FAM199X: variants seen among roughly 807,000 people sequenced by gnomAD.
The protein encoded by FAM199X is family with sequence similarity 199, X-linked.
Under a neutral mutation model 22.9 loss-of-function variants are expected in FAM199X, and 4 were observed. The observed-to-expected ratio is 0.17, with a 90% CI of 0.09 to 0.40. The LOEUF (loss-of-function observed/expected upper bound fraction) is 0.40, where lower values mean the gene tolerates loss of function less well. FAM199X is among the 10% of genes least tolerant of loss of function. FAM199X has a pLI of 1.00. For missense variants in FAM199X, 183 were observed against 306.8 expected (o/e 0.60, Z 3.01); for synonymous variants, 101 against 112.3 (o/e 0.90, Z 0.64).
chrX:104,172,647 C>T (rs1209628191), intron 1 of FAM199X, among the ~76,000 whole-genome samples: 1 of 109,147 alleles, frequency 9.2e-6, no homozygotes, highest in Non-Finnish European at 1.9e-5. Context: ...GAAGCAAATT[C>T]CTGACTCCTT....
intron 2 of FAM199X, among the ~76,000 whole-genome samples, chrX:104,185,714 G>A (rs1468448926): frequency 1.8e-5 from 2 of 110,632 alleles, no homozygotes; most frequent in African/African-American, 6.6e-5. Flanking sequence ...AGGTTCAAGC[G>A]ATTCTCCTGC....
chrX:104,172,411 C>T (rs1473021626), intron 1 of FAM199X, among the ~76,000 whole-genome samples: 1 of 107,278 alleles, frequency 9.3e-6, no homozygotes, highest in Non-Finnish European at 1.9e-5. Flanking sequence ...CAGAGCAAGA[C>T]CCTGACTCAA....
intron 1 of FAM199X, among the ~76,000 whole-genome samples, chrX:104,172,144 G>A (rs1158852593): frequency 1.8e-5 from 2 of 108,500 alleles, no homozygotes; most frequent in East Asian, 5.8e-4. Context: ...GTTCACACCT[G>A]TAATCCCAGC....
Position 104,189,730 on chromosome X carries a change from G to T in FAM199X, c.1119G>T (p.Leu373Phe). ...GLFLNEEVLSLKVTEEDHEAD... is the reference protein window; with the variant it reads ...GLFLNEEVLSFKVTEEDHEAD... ...TCCTTAACGAAGAGGTGCTGTCCTT[G>T]AAAGTGACTGAGGAAGACCATGAAG... Residue 373 changes from leucine (L) to phenylalanine (F), a missense_variant, in exon 6 of 6, where the codon TTG (leucine) becomes TTT (phenylalanine). This residue lies in a region of FAM199X where 128 missense variants were observed against 246.2 expected (regional missense o/e 0.52). Transcript: ENST00000493442. 8.3e-7 allele frequency: 1 copy of T among 1,211,696 alleles called. No individual in the cohort carries two copies. Among genetic ancestry groups the T allele is most frequent in the Non-Finnish European group, 1.1e-6 (1 of 895,522 alleles).
At chrX:104,179,839 T>C (rs1556377415) in intron 2 of FAM199X, among the ~76,000 whole-genome samples, 1 of 111,556 alleles carries the variant, frequency 9.0e-6, no homozygotes, top group Admixed American at 9.6e-5. Flanking sequence ...GTTGTGTCTT[T>C]GTCTAGCTTT....
chrX:104,158,536 A>C, the FAM199X span, among the ~76,000 whole-genome samples: 4 of 112,340 alleles, frequency 3.6e-5, no homozygotes, highest in African/African-American at 1.3e-4. Context: ...CCAGAGTGGT[A>C]GTAGTAATTT....
chrX:104,157,300 A>G, the FAM199X span, among the ~76,000 whole-genome samples: 173 of 110,738 alleles, frequency 1.6e-3, no homozygotes, highest in African/African-American at 5.4e-3. Context: ...TGCTAGACCA[A>G]CCCAAACTCC....
chrX:104,179,532 A>AT (rs1354023932), intron 2 of FAM199X, among the ~76,000 whole-genome samples: 1 of 111,715 alleles, frequency 9.0e-6, no homozygotes, highest in South Asian at 3.7e-4. Context: ...AGATTTAATA[A>AT]TTTTTTCCCA....
chrX:104,184,108 C>T (rs902542447), intron 2 of FAM199X, among the ~76,000 whole-genome samples: 2 of 112,300 alleles, frequency 1.8e-5, no homozygotes, highest in Admixed American at 9.4e-5. Flanking sequence ...TAGCATTCAT[C>T]ATGTGCTGTG....
chrX:104,183,233 G>T (rs1556378297), intron 2 of FAM199X, among the ~76,000 whole-genome samples: 1 of 109,376 alleles, frequency 9.1e-6, no homozygotes, highest in African/African-American at 3.3e-5. Context: ...GAGGCCTTTT[G>T]TCTGATAAGA....
intron 2 of FAM199X, among the ~76,000 whole-genome samples, chrX:104,181,404 C>G (rs1481569507): frequency 1.8e-5 from 2 of 111,886 alleles, no homozygotes; most frequent in African/African-American, 6.5e-5. Context: ...TAGTCTAATC[C>G]CGTATCTCCA....
chrX:104,181,966 AT>A (rs1319423483), intron 2 of FAM199X, among the ~76,000 whole-genome samples: 11 of 103,466 alleles, frequency 1.1e-4, no homozygotes, highest in Non-Finnish European at 2.2e-4. Flanking sequence ...CAGCTTTGTA[AT>A]TTTTTTTCTT....
the FAM199X span, among the ~76,000 whole-genome samples, chrX:104,158,994 C>T: frequency 1.8e-5 from 2 of 112,114 alleles, no homozygotes; most frequent in African/African-American, 3.2e-5. Flanking sequence ...GCACACATGT[C>T]TGGGCTTGGC....
At chrX:104,158,918 C>T in the FAM199X span, among the ~76,000 whole-genome samples, 1 of 112,217 alleles carries the variant, frequency 8.9e-6, no homozygotes, top group South Asian at 3.7e-4. Flanking sequence ...CCTAGGAAAC[C>T]CTCTTGGGTT....
chrX:104,174,045 C>T (rs1308066097), intron 1 of FAM199X, among the ~76,000 whole-genome samples: 2 of 111,264 alleles, frequency 1.8e-5, no homozygotes, highest in Non-Finnish European at 3.8e-5. Context: ...GAGGCTGGGG[C>T]GGACAGATGG....
Position 104,170,082 on chromosome X carries a change from T to TA in FAM199X, c.197+3101dup, listed in dbSNP as rs782405801. Among the ~76,000 whole-genome samples the TA allele has an allele frequency of 6.2e-5, 7 of 112,543 alleles. No homozygotes were observed. The East Asian group carries it at 1.7e-3, about 27-fold the overall frequency. ...AAATGTGAAATGTCAGTGTGGAACA[T>TA]ATGTAGTGTTTAAGACATTTTCTTT... On this transcript the variant is annotated intron_variant, in intron 1 of 5. Transcript: ENST00000493442.
At chrX:104,181,975 CTTTTTTCTT>C (rs1413833163) in intron 2 of FAM199X, among the ~76,000 whole-genome samples, 4 of 106,063 alleles carry the variant, frequency 3.8e-5, no homozygotes, top group Admixed American at 2.0e-4. Flanking sequence ...AATTTTTTTT[CTTTTTTCTT>C]TTTTTTCTTT....
At chrX:104,179,517 A>G (rs1556377302) in intron 2 of FAM199X, among the ~76,000 whole-genome samples, 3 of 112,322 alleles carry the variant, frequency 2.7e-5, no homozygotes, top group African/African-American at 9.7e-5. Flanking sequence ...TGCTAAAATC[A>G]TGTTAGATTT....
the FAM199X span, among the ~76,000 whole-genome samples, chrX:104,159,493 T>G: frequency 8.9e-6 from 1 of 112,610 alleles, no homozygotes; most frequent in South Asian, 3.6e-4. Context: ...CTAGCATCCT[T>G]AGTCGTACTC....
Sources: gnomAD v4.1 joint callset for allele counts (sites outside exome capture counted in the v4.1 genomes callset) on GRCh38, gnomAD v4.1.1 for gene constraint, gnomAD v4.1.1 regional missense constraint, MANE v1.5 for transcripts, NCBI Gene and HGNC (gene_info 2026-07-23, HGNC 2026-07-21) for gene names.